The following FBXO42 variants were observed in gnomAD, a reference collection of about 807,000 sequenced individuals.
FBXO42 encodes the protein F-box only protein 42.
Under a neutral mutation model 71.7 loss-of-function variants are expected in FBXO42, and 12 were observed. The observed-to-expected ratio is 0.17, with a 90% CI of 0.11 to 0.27. The LOEUF (loss-of-function observed/expected upper bound fraction) is 0.27. Ranked by LOEUF, FBXO42 falls within the 10% of genes least tolerant of loss-of-function variation. The pLI, the probability that FBXO42 is intolerant of heterozygous loss-of-function variation, is 1.00. For missense variants in FBXO42, 707 were observed against 911.9 expected, an observed-to-expected ratio of 0.78 and a Z score of 2.89; for synonymous variants, 325 against 327.5, an observed-to-expected ratio of 0.99 and a Z score of 0.08.
At chr1:16,280,123 T>C (rs917223234) in intron 4 of FBXO42, among the ~76,000 whole-genome samples, 1 of 152,130 alleles carries the variant, frequency 6.6e-6, no homozygotes. Flanking sequence ...GCTGGGATTA[T>C]AGGCGTGAGC....
intron 1 of FBXO42, among the ~76,000 whole-genome samples, chr1:16,346,643 G>A (rs907212945): frequency 4.0e-5 from 6 of 149,694 alleles, no homozygotes; most frequent in Non-Finnish European, 8.9e-5. Context: ...AGCCGAGATT[G>A]CGCCACTGCA....
chr1:16,342,396 C>CAAAA (rs34993864), intron 1 of FBXO42, among the ~76,000 whole-genome samples: 4 of 77,814 alleles, frequency 5.1e-5, no homozygotes, highest in African/African-American at 1.6e-4. Context: ...AACTCTGTCT[C>CAAAA]AAAAAAAAAA....
At chr1:16,302,282 G>A (rs1396730493) in intron 3 of FBXO42, among the ~76,000 whole-genome samples, 8 of 152,136 alleles carry the variant, frequency 5.3e-5, no homozygotes, top group South Asian at 2.1e-4. Context: ...GTAGCTCAAC[G>A]CCTGTAATCT....
chr1:16,255,234 C>T (rs529187826), intron 6 of FBXO42, among the ~76,000 whole-genome samples: 13 of 152,024 alleles, frequency 8.6e-5, no homozygotes, highest in African/African-American at 2.9e-4. Flanking sequence ...GCAAATTTTT[C>T]AATTTATTGG....
Position 16,256,721 on chromosome 1 carries a change from C to G in FBXO42, c.541G>C (p.Val181Leu), listed in dbSNP as rs372330593. The change falls in exon 5 of 10, where the codon GTG (valine) becomes CTG (leucine). Residue 181 changes from valine (V) to leucine (L), a missense_variant. Around this residue, in one of 5 missense-constraint regions of FBXO42, gnomAD observed 188 missense variants for 230.5 expected, o/e 0.82. Coordinates refer to ENST00000375592, the MANE Select transcript of FBXO42 (RefSeq NM_018994.3). ...PSPKAGATLV[V>L]YKDLLVLFGG... is the part of the protein sequence containing the mutation. ...AACAGCACTAGCAAGTCCTTGTACA[C>G]GACCAGAGTTGCTCCAGCTTTGGGG... 10 of 1,614,136 alleles carry G rather than the reference C, an allele frequency of 6.2e-6. No individual in the cohort carries two copies. The East Asian group carries it at 2.0e-4, about 32-fold the overall frequency.
chr1:16,257,741 T>C (rs570023621), intron 4 of FBXO42, among the ~76,000 whole-genome samples: 214 of 152,196 alleles, frequency 1.4e-3, no homozygotes, highest in Non-Finnish European at 2.5e-3. Flanking sequence ...AGTGCAATGA[T>C]GCAATCTCGG....
chr1:16,305,279 T>G (rs2082237908), intron 3 of FBXO42, among the ~76,000 whole-genome samples: 2 of 152,004 alleles, frequency 1.3e-5, no homozygotes, highest in Admixed American at 6.6e-5. Context: ...GCCCAGCTAC[T>G]CGGGAGGCTG....
At chr1:16,314,000 C>T (rs1222725904) in intron 2 of FBXO42, among the ~76,000 whole-genome samples, 2 of 152,226 alleles carry the variant, frequency 1.3e-5, no homozygotes, top group East Asian at 3.8e-4. Context: ...GTCGCCCAGG[C>T]TGGAGTCCAG....
intron 4 of FBXO42, 146 bp from the exon 5 acceptor site, chr1:16,256,905 G>T: frequency 1.4e-6 from 1 of 721,888 alleles, no homozygotes; most frequent in Non-Finnish European, 2.1e-6. Flanking sequence ...AAAGAAAACT[G>T]GGTTTGAGTC....
intron 2 of FBXO42, among the ~76,000 whole-genome samples, chr1:16,312,578 A>G (rs1470686144): frequency 6.6e-6 from 1 of 152,172 alleles, no homozygotes; most frequent in Non-Finnish European, 1.5e-5. Context: ...TTATGATATT[A>G]TAACAGTGGA....
At chr1:16,273,867 C>T (rs574576957) in intron 4 of FBXO42, among the ~76,000 whole-genome samples, 8 of 151,930 alleles carry the variant, frequency 5.3e-5, no homozygotes, top group African/African-American at 1.9e-4. Flanking sequence ...GGCAACAGAA[C>T]GAGACTCTGT....
chr1:16,325,725 G>A (rs951520217), intron 1 of FBXO42, among the ~76,000 whole-genome samples: 3 of 151,766 alleles, frequency 2.0e-5, no homozygotes, highest in South Asian at 2.1e-4. Context: ...GAACTCACTC[G>A]AGCGATTCTC....
Position 16,253,651 on chromosome 1 carries a change from C to T in FBXO42, c.848G>A (p.Arg283Gln), listed in dbSNP as rs1272060487. The change falls in exon 7 of 10, where the codon CGA becomes CAA. Residue 283 changes from arginine (R) to glutamine (Q), a missense_variant. By Grantham distance (43) the Arg-to-Gln change is conservative (BLOSUM62 1). This residue lies in a region of FBXO42 where 482 missense variants were observed against 587.1 expected (regional missense o/e 0.82). Coordinates refer to ENST00000375592, the MANE Select transcript of FBXO42 (RefSeq NM_018994.3). ...CCTGAGCACCTGAGATTGGCCACCTCGAGGATGAGGACTGGGGCCAGAGAT... is the reference window on the plus strand; with the variant it reads ...CCTGAGCACCTGAGATTGGCCACCTTGAGGATGAGGACTGGGGCCAGAGAT... ...PNISGPSPHP[R>Q]GGQSQIVIDD... 6.2e-7 allele frequency: 1 copy of T among 1,614,204 alleles called. No individual in the cohort carries two copies. The highest frequency in any genetic ancestry group is 8.5e-7 in the Non-Finnish European group (1 of 1,180,030).
chr1:16,302,172 G>A (rs2082202129), intron 3 of FBXO42, among the ~76,000 whole-genome samples: 1 of 152,158 alleles, frequency 6.6e-6, no homozygotes, highest in Admixed American at 6.6e-5. Context: ...CGAGGAATCT[G>A]AGAGAAGTTG....
intron 4 of FBXO42, among the ~76,000 whole-genome samples, chr1:16,275,784 G>C (rs1041132627): frequency 3.9e-5 from 6 of 152,120 alleles, no homozygotes; most frequent in South Asian, 2.1e-4. Context: ...TGAGGTGGGT[G>C]AATCACCTAA....
At chr1:16,309,957 A>AG (rs1178829315) in intron 2 of FBXO42, among the ~76,000 whole-genome samples, 3 of 152,072 alleles carry the variant, frequency 2.0e-5, no homozygotes, top group African/African-American at 7.2e-5. Flanking sequence ...GCACTTTGGG[A>AG]GGCCAAGGCA....
At chr1:16,280,197 C>T (rs756541836) in intron 4 of FBXO42, among the ~76,000 whole-genome samples, 4 of 152,206 alleles carry the variant, frequency 2.6e-5, no homozygotes, top group Non-Finnish European at 5.9e-5. Context: ...TATATCTCCA[C>T]GGTCTTCTTC....
At chr1:16,310,423 T>C (rs1480519887) in intron 2 of FBXO42, among the ~76,000 whole-genome samples, 1 of 151,860 alleles carries the variant, frequency 6.6e-6, no homozygotes, top group Non-Finnish European at 1.5e-5. Context: ...GCCAGCTATT[T>C]GGGAAGCTGA....
chr1:16,320,582 C>A (rs1454631323), intron 1 of FBXO42, among the ~76,000 whole-genome samples: 1 of 151,864 alleles, frequency 6.6e-6, no homozygotes, highest in Non-Finnish European at 1.5e-5. Context: ...GAGCTCACTG[C>A]AACCTCTGCC....
Sources: allele counts gnomAD v4.1 joint callset (sites outside exome capture counted in the v4.1 genomes callset), GRCh38; gene constraint gnomAD v4.1.1; regional missense constraint gnomAD v4.1.1; transcripts MANE v1.5; gene names NCBI Gene and HGNC (gene_info 2026-07-23, HGNC 2026-07-21).